Variants in EPM2A observed in about 807,000 individuals in gnomAD.
EPM2A encodes laforin.
In EPM2A, 21 loss-of-function variants were observed where a neutral mutation model predicts 26.5. The ratio of observed to expected loss-of-function variants is 0.79; its 90% CI spans 0.56 to 1.14. EPM2A has a LOEUF of 1.14. EPM2A is among the 50% of genes most tolerant of loss of function. EPM2A has a pLI of 0.00. For synonymous variants in EPM2A, 217 were observed against 177.6 expected, an observed-to-expected ratio of 1.22 and a Z score of -1.76; for missense variants, 458 against 440.8, an observed-to-expected ratio of 1.04 and a Z score of -0.35.
chr6:145,450,110 T>C (rs1404052797), intron 4 of EPM2A, among the ~76,000 whole-genome samples: 1 of 151,730 alleles, frequency 6.6e-6, no homozygotes, highest in Non-Finnish European at 1.5e-5. Context: ...TCCCAGCACT[T>C]TGGGAGGCCG....
chr6:145,626,022 C>G lies in EPM2A; in HGVS notation c.*1394G>C. ...AGTTAACCCTTCTGACCTTAGTTTC[C>G]CCATCTTTATCATGGAGATAATGAG... On this transcript the variant is annotated 3_prime_UTR_variant, in exon 4 of 4. Coordinates refer to ENST00000367519, the MANE Select transcript of EPM2A (RefSeq NM_005670.4). 5.3e-6 allele frequency: 6 copies of G among 1,133,330 alleles called. No homozygotes were observed. Among genetic ancestry groups the G allele is most frequent in the Non-Finnish European group, 6.8e-6 (6 of 881,368 alleles). 70.2% of individuals were successfully genotyped at this position (1,133,330 alleles called of 1,614,324 possible). A position where few individuals can be genotyped will look rare whatever the true frequency, so the allele number is the denominator to read the frequency against.
chr6:145,703,071 A>G (rs1361431209), intron 1 of EPM2A, among the ~76,000 whole-genome samples: 1 of 150,524 alleles, frequency 6.6e-6, no homozygotes, highest in Non-Finnish European at 1.5e-5. Flanking sequence ...TTCTCTTATC[A>G]GCAAATTTGA....
downstream of EPM2A, among the ~76,000 whole-genome samples, chr6:145,623,998 A>G (rs1775691073): frequency 6.6e-6 from 1 of 152,218 alleles, no homozygotes; most frequent in African/African-American, 2.4e-5. Context: ...TTAGAGAAGC[A>G]AAGAACAGAG....
intron 2 of EPM2A, among the ~76,000 whole-genome samples, chr6:145,587,240 G>A (rs1188910984): frequency 6.6e-6 from 1 of 152,132 alleles, no homozygotes; most frequent in Non-Finnish European, 1.5e-5. Context: ...AAGAAGCATT[G>A]TCATCCTAAC....
chr6:145,635,560 G>A, intron 2 of EPM2A, 74 bp from the exon 3 acceptor site: 4 of 1,439,240 alleles, frequency 2.8e-6, no homozygotes, highest in Non-Finnish European at 3.9e-6. Flanking sequence ...CATAAAACAT[G>A]TAGTATTAAA....
In EPM2A at chr6:145,409,146, C is replaced by A. The variant is rs1288387730; in HGVS notation, c.556-25049G>T. ...AGATCAGAGCAGAAGTATTAATTAT[C>A]CTTTAAAGAACTTGATAGGAAAATA... On this transcript the variant is annotated intron_variant, in intron 4 of 4. Coordinates refer to the EPM2A transcript ENST00000638717. Among the ~76,000 whole-genome samples the A allele has an allele frequency of 7.9e-5, 12 of 152,208 alleles. No homozygotes were observed. The South Asian group carries it at 2.3e-3, about 29-fold the overall frequency.
chr6:145,614,601 T>C (rs1266167424), intron 2 of EPM2A, among the ~76,000 whole-genome samples: 1 of 152,128 alleles, frequency 6.6e-6, no homozygotes, highest in African/African-American at 2.4e-5. Context: ...TATTGCAGAG[T>C]TATTAACTGG....
intron 2 of EPM2A, among the ~76,000 whole-genome samples, chr6:145,579,738 G>T (rs9497354): frequency 2.0e-5 from 3 of 152,030 alleles, no homozygotes; most frequent in African/African-American, 7.2e-5. Flanking sequence ...GGTTTTGTTC[G>T]GTTGTATGTC....
intron 1 of EPM2A, among the ~76,000 whole-genome samples, chr6:145,689,138 C>A (rs926227609): frequency 6.6e-6 from 1 of 151,096 alleles, no homozygotes; most frequent in African/African-American, 2.5e-5. Context: ...AGAGTGATTT[C>A]TTTAATTACT....
At chr6:145,698,894 T>C (rs2128623871) in intron 1 of EPM2A, among the ~76,000 whole-genome samples, 1 of 152,270 alleles carries the variant, frequency 6.6e-6, no homozygotes, top group East Asian at 1.9e-4. Flanking sequence ...ACCGTAAGGA[T>C]ACAGGCAGAT....
intron 2 of EPM2A, chr6:145,684,965 TTC>T (rs1780802351): frequency 6.6e-6 from 1 of 152,176 alleles, no homozygotes. Flanking sequence ...AAATTGCATT[TTC>T]TCTCTCTTTT....
chr6:145,703,222 G>A (rs1782026267), intron 1 of EPM2A, among the ~76,000 whole-genome samples: 1 of 151,396 alleles, frequency 6.6e-6, no homozygotes. Flanking sequence ...CTCCCAAGTA[G>A]CTGGAACTAC....
chr6:145,600,683 A>G (rs1781405898), intron 2 of EPM2A, among the ~76,000 whole-genome samples: 1 of 152,174 alleles, frequency 6.6e-6, no homozygotes, highest in African/African-American at 2.4e-5. Flanking sequence ...AAGGTGCTGG[A>G]GAGACACTGA....
chr6:145,518,227 G>A (rs977029896), intron 2 of EPM2A, among the ~76,000 whole-genome samples: 1 of 152,124 alleles, frequency 6.6e-6, no homozygotes, highest in Non-Finnish European at 1.5e-5. Context: ...AGAAGTTTTT[G>A]GTTAGGATAA....
chr6:145,618,338 A>C (rs1775558804), intron 2 of EPM2A, among the ~76,000 whole-genome samples: 1 of 152,232 alleles, frequency 6.6e-6, no homozygotes, highest in African/African-American at 2.4e-5. Flanking sequence ...CACTTTTGGG[A>C]GATGGTTATA....
chr6:145,490,638 T>C (rs745827804), intron 4 of EPM2A: 1 of 639,906 alleles, frequency 1.6e-6, no homozygotes, highest in South Asian at 1.4e-5. Context: ...TTTCATTGCA[T>C]ATTTCACACT....
At chr6:145,519,739 T>C (rs1780178629) in intron 2 of EPM2A, among the ~76,000 whole-genome samples, 1 of 152,090 alleles carries the variant, frequency 6.6e-6, no homozygotes, top group South Asian at 2.1e-4. Context: ...CGCAAAGGAA[T>C]AAGCCAATTT....
intron 2 of EPM2A, among the ~76,000 whole-genome samples, chr6:145,644,998 C>G (rs1777355164): frequency 6.6e-6 from 1 of 152,082 alleles, no homozygotes; most frequent in East Asian, 1.9e-4. Context: ...GAATTAAGTA[C>G]CAATCCCACC....
chr6:145,510,525 C>A (rs570388813), intron 2 of EPM2A, among the ~76,000 whole-genome samples: 1 of 151,936 alleles, frequency 6.6e-6, no homozygotes. Flanking sequence ...GCAGAAATGA[C>A]AAATTATTTG....
Sources: allele counts gnomAD v4.1 joint callset (sites outside exome capture counted in the v4.1 genomes callset), GRCh38; gene constraint gnomAD v4.1.1; transcripts MANE v1.5; gene names NCBI Gene and HGNC (gene_info 2026-07-23, HGNC 2026-07-21).